The following ANP32A variants were observed in gnomAD, a reference collection of about 807,000 sequenced individuals.
The protein encoded by ANP32A is acidic leucine-rich nuclear phosphoprotein 32 family member A.
ANP32A carries 1 observed loss-of-function variant against 33.9 expected under a neutral mutation model. The ratio of observed to expected loss-of-function variants is 0.03; its 90% CI spans 0.01 to 0.14. The LOEUF (loss-of-function observed/expected upper bound fraction) is 0.14. ANP32A is among the 10% of genes least tolerant of loss of function. The pLI, the probability that ANP32A is intolerant of heterozygous loss-of-function variation, is 1.00. For synonymous variants in ANP32A, 115 were observed against 120.5 expected (o/e 0.95, Z 0.30); for missense variants, 155 against 306.0 (o/e 0.51, Z 3.68).
intron 1 of ANP32A, among the ~76,000 whole-genome samples, chr15:68,807,825 T>C (rs2924628): frequency 0.12 from 18,305 of 152,188 alleles, 2,364 homozygotes; most frequent in African/African-American, 0.32. Flanking sequence ...CCTGACTGCC[T>C]GGGTCTGCGC....
At chr15:68,807,915 C>T (rs540721840) in intron 1 of ANP32A, among the ~76,000 whole-genome samples, 13 of 152,238 alleles carry the variant, frequency 8.5e-5, no homozygotes, top group African/African-American at 1.7e-4. Flanking sequence ...CAGTCTTGAT[C>T]GGTAATGCCC....
At chr15:68,786,999 C>G (rs879689760) in intron 3 of ANP32A, among the ~76,000 whole-genome samples, 11 of 152,182 alleles carry the variant, frequency 7.2e-5, no homozygotes, top group Non-Finnish European at 1.6e-4. Context: ...GCCAGCGACC[C>G]AAGGAGAAAA....
intron 3 of ANP32A, among the ~76,000 whole-genome samples, chr15:68,785,888 A>C (rs1893925600): frequency 2.6e-5 from 4 of 152,354 alleles, no homozygotes; most frequent in Middle Eastern, 3.4e-3. Flanking sequence ...TGACATTATA[A>C]AATCAAGACT....
At position 68,778,766 on chromosome 15, in the gene ANP32A, T is replaced by A. The variant is rs1893825032; in HGVS notation, c.*1315A>T. On this transcript the variant is annotated 3_prime_UTR_variant, in exon 7 of 7. Transcript: ENST00000465139. Reference sequence around the variant, plus strand: ...AGACCAAAAATATCCAAACATAGTATCACATTATATATATCTCATAAGAAA... The same window carrying A: ...AGACCAAAAATATCCAAACATAGTAACACATTATATATATCTCATAAGAAA... 1 of 152,124 alleles carries A rather than the reference T, an allele frequency of 6.6e-6. No individual in the cohort carries two copies. Among genetic ancestry groups the A allele is most frequent in the Admixed American group, 6.6e-5 (1 of 15,264 alleles). 9.4% of individuals were successfully genotyped at this position (152,124 alleles called of 1,614,324 possible). A position where few individuals can be genotyped will look rare whatever the true frequency, so the allele number is the denominator to read the frequency against.
At chr15:68,782,041 G>C (rs534438202) in intron 5 of ANP32A, among the ~76,000 whole-genome samples, 1 of 152,332 alleles carries the variant, frequency 6.6e-6, no homozygotes, top group East Asian at 1.9e-4. Flanking sequence ...GAAACTGCGG[G>C]GGGAGTTGGG....
At chr15:68,819,230 G>C (rs1275862112) in intron 1 of ANP32A, among the ~76,000 whole-genome samples, 1 of 152,076 alleles carries the variant, frequency 6.6e-6, no homozygotes, top group African/African-American at 2.4e-5. Context: ...GACTGGGGGC[G>C]TCCTCCCGCC....
chr15:68,796,271 G>T (rs1894062636), intron 1 of ANP32A, among the ~76,000 whole-genome samples: 3 of 152,162 alleles, frequency 2.0e-5, no homozygotes, highest in African/African-American at 7.2e-5. Context: ...AGGAGAGACA[G>T]GGTTTCACCA....
At chr15:68,806,078 C>T (rs1164495459) in intron 1 of ANP32A, among the ~76,000 whole-genome samples, 1 of 152,196 alleles carries the variant, frequency 6.6e-6, no homozygotes, top group African/African-American at 2.4e-5. Flanking sequence ...GGGTAAGCCA[C>T]ATAACCCCTC....
Position 68,790,246 on chromosome 15 carries a change from G to A in ANP32A, c.55-2327C>T, listed in dbSNP as rs551122990. 5 of 152,352 alleles carry A rather than the reference G, an allele frequency of 3.3e-5. No homozygotes were observed. The East Asian group carries it at 7.7e-4, about 24-fold the overall frequency. The allele number at this position is 152,352 out of a possible 1,614,324, so 9.4% of individuals were successfully genotyped here. A position where few individuals can be genotyped will look rare whatever the true frequency, so the allele number is the denominator to read the frequency against. On this transcript the variant is annotated intron_variant, in intron 1 of 6. Coordinates refer to ENST00000465139, the MANE Select transcript of ANP32A (RefSeq NM_006305.4). ...CTGCAGACATGCGGTTTTTCTAGAC[G>A]GGTCAATGGCTTCTCCTTACTGCCG...
intron 1 of ANP32A, among the ~76,000 whole-genome samples, chr15:68,816,525 C>G (rs1356853996): frequency 6.6e-6 from 1 of 152,098 alleles, no homozygotes; most frequent in Admixed American, 6.6e-5. Context: ...TGTTATTATC[C>G]TAAACCATGG....
At chr15:68,812,730 TAA>T (rs1227328134) in intron 1 of ANP32A, among the ~76,000 whole-genome samples, 1 of 152,222 alleles carries the variant, frequency 6.6e-6, no homozygotes, top group Non-Finnish European at 1.5e-5. Flanking sequence ...TTTTAATGAA[TAA>T]AAGTGTTTTA....
chr15:68,793,810 C>T (rs1440979134), intron 1 of ANP32A, among the ~76,000 whole-genome samples: 1 of 152,216 alleles, frequency 6.6e-6, no homozygotes, highest in Non-Finnish European at 1.5e-5. Flanking sequence ...GTGACAGCAG[C>T]GCATTAAACC....
chr15:68,812,429 C>A (rs957741938), intron 1 of ANP32A, among the ~76,000 whole-genome samples: 3 of 152,106 alleles, frequency 2.0e-5, no homozygotes, highest in Non-Finnish European at 4.4e-5. Context: ...TGGAAGGCAC[C>A]CGTCTGGGGT....
chr15:68,802,072 A>G (rs549255975), intron 1 of ANP32A: 2 of 152,586 alleles, frequency 1.3e-5, no homozygotes, highest in South Asian at 2.1e-4. Context: ...AGGAGTCTCA[A>G]TCTGGTCCAA....
At chr15:68,805,175 G>C (rs1229632876) in intron 1 of ANP32A, among the ~76,000 whole-genome samples, 1 of 152,226 alleles carries the variant, frequency 6.6e-6, no homozygotes, top group Non-Finnish European at 1.5e-5. Context: ...CCTAAACCAG[G>C]TCCAGATGGA....
intron 3 of ANP32A, among the ~76,000 whole-genome samples, chr15:68,787,002 G>C (rs1481862459): frequency 6.6e-6 from 1 of 152,194 alleles, no homozygotes; most frequent in African/African-American, 2.4e-5. Context: ...AGCGACCCAA[G>C]GAGAAAACTG....
At chr15:68,783,087 T>A (rs372967525) in intron 4 of ANP32A, 34 bp from the exon 5 acceptor site, 143 of 1,551,158 alleles carry the variant, frequency 9.2e-5, no homozygotes, top group Non-Finnish European at 1.2e-4. Flanking sequence ...GAAACAGAAC[T>A]AGTGGTGAGC....
Position 68,782,849 on chromosome 15 carries a change from G to A in ANP32A, c.624+107C>T, listed in dbSNP as rs905053113. The A allele has an allele frequency of 2.5e-5, 38 of 1,494,710 alleles. No individual in the cohort carries two copies. In the Middle Eastern group the frequency reaches 1.7e-3, roughly 68 times the overall value. 92.6% of individuals were successfully genotyped at this position (1,494,710 alleles called of 1,614,324 possible). ...CTCACTTCACTACCCATCGGGGAGC[G>A]ACTTTCCTAACCAGGGCTCCGGGGC... On this transcript the variant is annotated intron_variant, in intron 5 of 6. Coordinates refer to ENST00000465139, the MANE Select transcript of ANP32A (RefSeq NM_006305.4).
intron 1 of ANP32A, among the ~76,000 whole-genome samples, chr15:68,794,764 G>C (rs557709845): frequency 4.9e-5 from 7 of 141,600 alleles, no homozygotes; most frequent in Admixed American, 4.9e-4. Context: ...GGGGAAAAGT[G>C]AAAGCTCTGA....
Sources: gnomAD v4.1 joint callset for allele counts (sites outside exome capture counted in the v4.1 genomes callset) on GRCh38, gnomAD v4.1.1 for gene constraint, MANE v1.5 for transcripts, NCBI Gene and HGNC (gene_info 2026-07-23, HGNC 2026-07-21) for gene names.